PSD: variants seen among roughly 807,000 people sequenced by gnomAD.
PSD encodes PH and SEC7 domain-containing protein 1.
Under a neutral mutation model 91.6 loss-of-function variants are expected in PSD, and 32 were observed. That is an observed-to-expected ratio of 0.35 (90% CI 0.26 to 0.47). PSD has a LOEUF of 0.47. PSD is among the 20% of genes least tolerant of loss of function. The pLI is 1.00. For missense variants in PSD, 1,099 were observed against 1,373.9 expected (o/e 0.80, Z 3.16); for synonymous variants, 532 against 569.3 (o/e 0.93, Z 0.93).
rs533240772 is a variant in PSD, at chr10:102,413,421, C to G, written c.1553+348G>C. Among the ~76,000 whole-genome samples the G allele has an allele frequency of 2.0e-5, 3 of 152,210 alleles. No individual in the cohort carries two copies. In the South Asian group the frequency reaches 6.2e-4, roughly 32 times the overall value. ...CTGCATCTTTGGTGAAGCCTTCAGG[C>G]TGGGTGAGGGTAAGGTCACAAGAAT... On this transcript the variant is annotated intron_variant, in intron 5 of 16. Coordinates refer to ENST00000020673, the MANE Select transcript of PSD (RefSeq NM_002779.5).
Position 102,416,923 on chromosome 10 carries a change from A to T in PSD, c.116T>A (p.Met39Lys). ...GPVPQSPPAS[M>K]YGSTGSLLRR... Reference sequence around the variant, plus strand: ...TAGCAAGGAGCCTGTGCTGCCATACATGCTGGCTGGGGGGCTCTGGGGCAC... The same window carrying T: ...TAGCAAGGAGCCTGTGCTGCCATACTTGCTGGCTGGGGGGCTCTGGGGCAC... Residue 39 changes from methionine to lysine, a missense_variant, in exon 2 of 17, where the codon ATG becomes AAG. This residue lies in a region of PSD where 631 missense variants were observed against 728.8 expected (regional missense o/e 0.87). Transcript: ENST00000020673. The surrounding 1 kb of genome is among the most constrained non-coding windows in gnomAD (Gnocchi z 6.0). The T allele has an allele frequency of 6.2e-7, 1 of 1,606,584 alleles. No individual in the cohort carries two copies.
chr10:102,417,989 G>A (rs918978251), intron 1 of PSD, among the ~76,000 whole-genome samples: 5 of 151,976 alleles, frequency 3.3e-5, no homozygotes, highest in African/African-American at 9.7e-5. Context: ...GATTACAGGC[G>A]TGAGCCACCG....
Position 102,414,329 on chromosome 10 carries a change from A to C in PSD, c.1125-132T>G. On this transcript the variant is annotated intron_variant, in intron 4 of 16. Transcript: ENST00000020673. This position sits in a 1 kb window ranked among gnomAD's most constrained non-coding sequence, Gnocchi z 5.6. The stretch of plus-strand genomic sequence containing the variant: ...TTCACTGGCTCCAGCCCACTAACAA[A>C]AAAGAGCCTCTAGGGTAGGGCGCCA... 2 of 918,340 alleles carry C rather than the reference A, an allele frequency of 2.2e-6. No homozygotes were observed. Among genetic ancestry groups the C allele is most frequent in the Non-Finnish European group, 3.2e-6 (2 of 619,468 alleles). The allele number at this position is 918,340 out of a possible 1,614,324, so 56.9% of individuals were successfully genotyped here. A position where few individuals can be genotyped will look rare whatever the true frequency, so the allele number is the denominator to read the frequency against.
chr10:102,404,553 C>T lies in PSD; in HGVS notation c.2700+30G>A. On this transcript the variant is annotated intron_variant, in intron 15 of 16. Coordinates refer to ENST00000020673, the MANE Select transcript of PSD (RefSeq NM_002779.5). The surrounding 1 kb of genome is among the most constrained non-coding windows in gnomAD (Gnocchi z 5.7). ...CCTGAGCCTAACACCCTCCATCCCACTGGCACTAGGTGGACAGAGCTTGGG... is the reference window on the plus strand; with the variant it reads ...CCTGAGCCTAACACCCTCCATCCCATTGGCACTAGGTGGACAGAGCTTGGG... The T allele has an allele frequency of 6.2e-7, 1 of 1,605,492 alleles. No individual in the cohort carries two copies.
intron 11 of PSD, among the ~76,000 whole-genome samples, chr10:102,406,299 CT>C (rs2061360251): frequency 6.6e-6 from 1 of 152,208 alleles, no homozygotes; most frequent in Admixed American, 6.5e-5. Context: ...TGCACCTCCC[CT>C]GAGATCTCCA....
intron 8 of PSD, 105 bp downstream of exon 8, chr10:102,411,602 A>G (rs2061425299): frequency 1.2e-6 from 1 of 840,982 alleles, no homozygotes; most frequent in Admixed American, 2.0e-5. Flanking sequence ...ATGTACATCC[A>G]TTCCCTGCTG....
Position 102,414,188 on chromosome 10 carries a change from G to A in PSD, c.1134C>T (p.Ser378=), listed in dbSNP as rs781659120. ...GCACAGGTGACTTGAGAGGCATCCG[G>A]CTCCCTGGCCTGCAGGGGCAGGGAG... ...FEASEGARPG[S]RMPLKSPVPF... The change falls in exon 5 of 17, where the codon AGC becomes AGT. Residue 378 remains serine, a synonymous_variant. Coordinates refer to ENST00000020673, the MANE Select transcript of PSD (RefSeq NM_002779.5). The surrounding 1 kb of genome is among the most constrained non-coding windows in gnomAD (Gnocchi z 5.6). 6.2e-7 allele frequency: 1 copy of A among 1,606,960 alleles called. No individual in the cohort carries two copies. Among genetic ancestry groups the A allele is most frequent in the Non-Finnish European group, 8.5e-7 (1 of 1,175,532 alleles).
In PSD at chr10:102,404,687, C is replaced by T; in HGVS notation, c.2596G>A (p.Val866Ile). 6.2e-7 allele frequency: 1 copy of T among 1,604,174 alleles called. No individual in the cohort carries two copies. ...GGCGCAGAGAACATAGCGGCTACTA[C>T]ATTGATGCGAGTGATCCAGGACTGC... ...QMQSWITRIN[V>I]VAAMFSAPPF... The change falls in exon 15 of 17, where the codon GTA becomes ATA. Residue 866 changes from valine to isoleucine, a missense_variant. Transcript: ENST00000020673. The surrounding 1 kb of genome is among the most constrained non-coding windows in gnomAD (Gnocchi z 5.7).
rs117396188 is a variant in PSD at position 102,410,230 on chromosome 10, A to G, written c.2091+628T>C. 2.5e-3 allele frequency among the ~76,000 whole-genome samples: 382 copies of G among 151,400 alleles called. 5 individuals are homozygous for G. In the East Asian group the frequency reaches 0.046, roughly 18 times the overall value. ...GAGGAGTGAACCCACTGGATGAGCC[A>G]CTCCCTTCTCCTACCGGCACCAGCC... On this transcript the variant is annotated intron_variant, in intron 10 of 16. Coordinates refer to ENST00000020673, the MANE Select transcript of PSD (RefSeq NM_002779.5). The surrounding 1 kb of genome is among the most constrained non-coding windows in gnomAD (Gnocchi z 6.0).
Position 102,409,156 on chromosome 10 carries a change from G to T in PSD, c.2091+1702C>A. 3 of 980,434 alleles carry T rather than the reference G, an allele frequency of 3.1e-6. No homozygotes were observed. Among genetic ancestry groups the T allele is most frequent in the Non-Finnish European group, 3.6e-6 (3 of 828,078 alleles). 60.7% of individuals were successfully genotyped at this position (980,434 alleles called of 1,614,324 possible). On this transcript the variant is annotated intron_variant, in intron 10 of 16. Transcript: ENST00000020673. This position sits in a 1 kb window ranked among gnomAD's most constrained non-coding sequence, Gnocchi z 5.7. Reference sequence around the variant, plus strand: ...CCCGTCCGCCCTCGGCCCCCGGGCCGCCCGGACGGCCCGCGGACCGCTCCC... The same window carrying T: ...CCCGTCCGCCCTCGGCCCCCGGGCCTCCCGGACGGCCCGCGGACCGCTCCC...
rs1368664545 is a variant in PSD at position 102,405,250 on chromosome 10, G to A, written c.2330C>T (p.Pro777Leu). The change falls in exon 13 of 17, where the codon CCT becomes CTT. Residue 777 changes from proline to leucine, a missense_variant. By Grantham distance (98) the Pro-to-Leu change is moderately conservative. Transcript: ENST00000020673. This position sits in a 1 kb window ranked among gnomAD's most constrained non-coding sequence, Gnocchi z 5.4. ...GCTCTTCCAGCCCCGCTTGCCCCGA[G>A]GTGCTGCGGGGAGAGAAGACAGGTC... is the stretch of plus-strand genomic sequence containing the variant. Reference protein sequence around the residue: ...VHADPDCRKTPRGKRGWKSFH... With the variant: ...VHADPDCRKTLRGKRGWKSFH... The A allele has an allele frequency of 6.2e-7, 1 of 1,610,506 alleles. No individual in the cohort carries two copies. Among genetic ancestry groups the A allele is most frequent in the Non-Finnish European group, 8.5e-7 (1 of 1,179,860 alleles).
Position 102,405,580 on chromosome 10 carries a change from G to A in PSD, c.2136-44C>T, listed in dbSNP as rs780521383. 1.2e-4 allele frequency: 187 copies of A among 1,559,062 alleles called. 2 individuals are homozygous for A. Among genetic ancestry groups the A allele is most frequent in the South Asian group, 1.1e-3 (93 of 87,760 alleles). ...CAGAGGGGGCTGGCCATGGAGCCGC[G>A]GCCCCCGCTTCAGTTCTGGCCTCTG... On this transcript the variant is annotated intron_variant, in intron 11 of 16. Transcript: ENST00000020673. The surrounding 1 kb of genome is among the most constrained non-coding windows in gnomAD (Gnocchi z 5.4).
upstream of PSD, chr10:102,419,925 C>G (rs2135465822): frequency 1.5e-5 from 4 of 269,390 alleles, no homozygotes; most frequent in South Asian, 1.2e-4. This position sits in a 1 kb window ranked among gnomAD's most constrained non-coding sequence, Gnocchi z 4.8. Flanking sequence ...TCCCTTCTCG[C>G]TGCCTTGCGG....
Position 102,405,253 on chromosome 10 carries a change from G to C in PSD, c.2327C>G (p.Thr776Arg). The C allele has an allele frequency of 1.9e-6, 3 of 1,610,602 alleles. No individual in the cohort carries two copies. Among genetic ancestry groups the C allele is most frequent in the Non-Finnish European group, 1.7e-6 (2 of 1,179,854 alleles). The change falls in exon 13 of 17, where the codon ACA (threonine) becomes AGA (arginine). Residue 776 changes from threonine to arginine, a missense_variant and splice_region_variant. Physicochemically the swap from Thr to Arg is moderately conservative, Grantham distance 71. Around this residue, in one of 3 missense-constraint regions of PSD, gnomAD observed 358 missense variants for 426.5 expected, o/e 0.84. Transcript: ENST00000020673. This position sits in a 1 kb window ranked among gnomAD's most constrained non-coding sequence, Gnocchi z 5.4. ...KVHADPDCRK[T>R]PRGKRGWKSF... ...CTTCCAGCCCCGCTTGCCCCGAGGT[G>C]CTGCGGGGAGAGAAGACAGGTCAGG... is the stretch of plus-strand genomic sequence containing the variant.
At chr10:102,411,022 T>C (rs1411235302) in intron 9 of PSD, 36 bp downstream of exon 9, 5 of 1,613,154 alleles carry the variant, frequency 3.1e-6, no homozygotes, top group East Asian at 4.5e-5. Flanking sequence ...GGCCAGGGGT[T>C]TGTTTTCCGG....
In PSD at chr10:102,418,701, C is replaced by A. The variant is rs1449072343; in HGVS notation, c.-84G>T. ...AACTCAATGCCACCTCAGTACTCAC[C>A]GCTGCTCGCCCAGAGCTGAGACCGA... On this transcript the variant is annotated splice_region_variant and 5_prime_UTR_variant, in exon 1 of 17. Transcript: ENST00000020673. The A allele has an allele frequency of 2.2e-6, 1 of 455,878 alleles. No individual in the cohort carries two copies. The highest frequency in any genetic ancestry group is 4.4e-6 in the Non-Finnish European group (1 of 226,684). The allele number at this position is 455,878 out of a possible 1,614,324, so 28.2% of individuals were successfully genotyped here.
At position 102,417,119 on chromosome 10, in the gene PSD, G is replaced by T; in HGVS notation, c.-81C>A. 1 of 772,224 alleles carries T rather than the reference G, an allele frequency of 1.3e-6. No homozygotes were observed. Among genetic ancestry groups the T allele is most frequent in the Non-Finnish European group, 2.1e-6 (1 of 479,958 alleles). 47.8% of individuals were successfully genotyped at this position (772,224 alleles called of 1,614,324 possible). A position where few individuals can be genotyped will look rare whatever the true frequency, so the allele number is the denominator to read the frequency against. On this transcript the variant is annotated splice_region_variant and 5_prime_UTR_variant, in exon 2 of 17. The change creates a new upstream start codon in the 5' untranslated region. Coordinates refer to ENST00000020673, the MANE Select transcript of PSD (RefSeq NM_002779.5). ...AAGGGGGCTGCATGCTCTTCAGACA[G>T]GCCTGTAAGAGAGGAAGGGGAGCAT...
Position 102,413,966 on chromosome 10 carries a change from C to A in PSD, c.1356G>T (p.Arg452=), listed in dbSNP as rs1479233379. The A allele has an allele frequency of 6.2e-7, 1 of 1,613,802 alleles. No homozygotes were observed. The highest frequency in any genetic ancestry group is 8.5e-7 in the Non-Finnish European group (1 of 1,179,828). ...GTGGGGCGGGAGCTGGTGGGTCGGG[C>A]CGGGGTGCAGGGGGTTGGGGAGGCA... ...FELPPQPPAP[R]PDPPAPAPLA... The change falls in exon 5 of 17, where the codon CGG becomes CGT. Residue 452 remains arginine, a synonymous_variant. Coordinates refer to ENST00000020673, the MANE Select transcript of PSD (RefSeq NM_002779.5).
At position 102,409,153 on chromosome 10, in the gene PSD, G is replaced by GCCGCCCGGACGGCCCGCGGA. The variant is rs1449684399; in HGVS notation, c.2091+1685_2091+1704dup. On this transcript the variant is annotated intron_variant, in intron 10 of 16. Transcript: ENST00000020673. This position sits in a 1 kb window ranked among gnomAD's most constrained non-coding sequence, Gnocchi z 5.7. ...GCCCCCGTCCGCCCTCGGCCCCCGGGCCGCCCGGACGGCCCGCGGACCGCT... is the reference window on the plus strand; with the variant it reads ...GCCCCCGTCCGCCCTCGGCCCCCGGGCCGCCCGGACGGCCCGCGGACCGCCCGGACGGCCCGCGGACCGCT... 1.2e-5 allele frequency: 12 copies of GCCGCCCGGACGGCCCGCGGA among 980,626 alleles called. No homozygotes were observed. The highest frequency in any genetic ancestry group is 6.3e-5 in the Admixed American group (1 of 15,842). 60.7% of individuals were successfully genotyped at this position (980,626 alleles called of 1,614,324 possible). A position where few individuals can be genotyped will look rare whatever the true frequency, so the allele number is the denominator to read the frequency against.
Sources: gnomAD v4.1 joint callset for allele counts (sites outside exome capture counted in the v4.1 genomes callset) on GRCh38, gnomAD v4.1.1 for gene constraint, gnomAD v4.1.1 regional missense constraint, Gnocchi (gnomAD v3.1) non-coding constraint, MANE v1.5 for transcripts, NCBI Gene and HGNC (gene_info 2026-07-23, HGNC 2026-07-21) for gene names.